IDE: variants seen among roughly 807,000 people sequenced by gnomAD.
IDE encodes the protein insulin degrading enzyme.
Under a neutral mutation model 133.2 loss-of-function variants are expected in IDE, and 58 were observed. The observed-to-expected ratio is 0.44, with a 90% CI of 0.35 to 0.54. IDE has a LOEUF of 0.54. Ranked by LOEUF, IDE falls within the 20% of genes least tolerant of loss-of-function variation. The pLI is 0.00. For missense variants in IDE, 981 were observed against 1,234.0 expected, an observed-to-expected ratio of 0.79 and a Z score of 3.07; for synonymous variants, 396 against 421.3, an observed-to-expected ratio of 0.94 and a Z score of 0.73.
chr10:92,524,230 G>A (rs1279286248), intron 4 of IDE, among the ~76,000 whole-genome samples: 1 of 139,924 alleles, frequency 7.1e-6, no homozygotes, highest in East Asian at 2.0e-4. Flanking sequence ...GCTTGAACCC[G>A]GGAAGTGGAG....
intron 4 of IDE, among the ~76,000 whole-genome samples, chr10:92,522,393 T>C (rs760524681): frequency 2.6e-5 from 4 of 152,310 alleles, no homozygotes; most frequent in East Asian, 1.9e-4. Flanking sequence ...ATGAAGAACA[T>C]AGGCTTTGAG....
chr10:92,552,268 A>T (rs1306902482), intron 1 of IDE, among the ~76,000 whole-genome samples: 1 of 152,198 alleles, frequency 6.6e-6, no homozygotes, highest in Non-Finnish European at 1.5e-5. Context: ...TTATGAAACT[A>T]TGTGTACACT....
intron 1 of IDE, among the ~76,000 whole-genome samples, chr10:92,556,492 C>T (rs1237614959): frequency 1.3e-5 from 2 of 151,812 alleles, no homozygotes; most frequent in African/African-American, 2.4e-5. Context: ...GGTGCAGTGG[C>T]TCACCCCTAT....
chr10:92,570,470 G>A (rs1261160443), intron 1 of IDE, among the ~76,000 whole-genome samples: 1 of 152,154 alleles, frequency 6.6e-6, no homozygotes, highest in Non-Finnish European at 1.5e-5. Context: ...CAAATGAGAA[G>A]GCTCCAGAAC....
At chr10:92,517,312 GTAACCT>G (rs1164321129) in intron 4 of IDE, among the ~76,000 whole-genome samples, 2 of 152,296 alleles carry the variant, frequency 1.3e-5, no homozygotes, top group African/African-American at 2.4e-5. Context: ...AGCCTAGCAA[GTAACCT>G]TAACCTTAAC....
At chr10:92,568,815 C>CAA (rs202095680) in intron 1 of IDE, among the ~76,000 whole-genome samples, 1 of 143,950 alleles carries the variant, frequency 6.9e-6, no homozygotes, top group African/African-American at 2.5e-5. Flanking sequence ...GACTCTTTCT[C>CAA]AAAAAAAAAA....
intron 4 of IDE, among the ~76,000 whole-genome samples, chr10:92,516,079 G>C (rs1403906969): frequency 6.6e-6 from 1 of 151,416 alleles, no homozygotes; most frequent in Admixed American, 6.6e-5. Flanking sequence ...TGAGGCAGGA[G>C]AATCACTTGA....
intron 22 of IDE, among the ~76,000 whole-genome samples, chr10:92,456,844 C>CAAAAAAA (rs57422406): frequency 1.4e-3 from 72 of 52,196 alleles, no homozygotes; most frequent in Admixed American, 4.0e-3. Flanking sequence ...GACTCTGTCT[C>CAAAAAAA]AAAAAAAAAA....
intron 11 of IDE, among the ~76,000 whole-genome samples, chr10:92,502,183 G>C (rs1589433419): frequency 1.3e-5 from 2 of 152,134 alleles, no homozygotes; most frequent in African/African-American, 4.8e-5. Context: ...AGCCTACCAG[G>C]ATTTTGGTTA....
At chr10:92,455,235 G>C (rs974903753) in intron 24 of IDE, among the ~76,000 whole-genome samples, 1 of 151,492 alleles carries the variant, frequency 6.6e-6, no homozygotes, top group Non-Finnish European at 1.5e-5. Context: ...CAGCACTCTG[G>C]GAGGCCGACG....
chr10:92,555,268 T>C (rs1028363360), intron 1 of IDE, among the ~76,000 whole-genome samples: 4 of 151,834 alleles, frequency 2.6e-5, no homozygotes, highest in Non-Finnish European at 4.4e-5. Context: ...GGAGCTGAGA[T>C]GGGGGGATCA....
chr10:92,489,974 T>C (rs1272103297), intron 12 of IDE, among the ~76,000 whole-genome samples: 2 of 152,220 alleles, frequency 1.3e-5, no homozygotes, highest in African/African-American at 4.8e-5. Context: ...AAATCCTGAC[T>C]ACTGATGAAT....
At chr10:92,557,815 G>C (rs1843082319) in intron 1 of IDE, among the ~76,000 whole-genome samples, 1 of 150,640 alleles carries the variant, frequency 6.6e-6, no homozygotes, top group African/African-American at 2.4e-5. Context: ...GTTTAAACCT[G>C]GGAGGCGGAG....
intron 4 of IDE, among the ~76,000 whole-genome samples, chr10:92,530,982 ATAT>A (rs1849891307): frequency 6.6e-6 from 1 of 152,304 alleles, no homozygotes; most frequent in East Asian, 1.9e-4. Context: ...ATTAAATAAT[ATAT>A]TATCATTATT....
At chr10:92,509,645 G>T (rs1564634248) in intron 6 of IDE, among the ~76,000 whole-genome samples, 1 of 152,036 alleles carries the variant, frequency 6.6e-6, no homozygotes, top group African/African-American at 2.4e-5. Flanking sequence ...TAGGGGCTGG[G>T]TGCAGTGGCT....
chr10:92,502,974 C>T (rs1564629005), intron 11 of IDE, among the ~76,000 whole-genome samples: 1 of 152,154 alleles, frequency 6.6e-6, no homozygotes, highest in Non-Finnish European at 1.5e-5. Context: ...ACATTGTAAC[C>T]TACTGGGTAC....
intron 1 of IDE, among the ~76,000 whole-genome samples, chr10:92,562,784 C>CT (rs1438006488): frequency 3.3e-5 from 5 of 152,222 alleles, no homozygotes; most frequent in African/African-American, 1.2e-4. Context: ...AATCAGGTGA[C>CT]TAATGTTTGT....
At chr10:92,522,281 T>C (rs1391441658) in intron 4 of IDE, among the ~76,000 whole-genome samples, 1 of 152,190 alleles carries the variant, frequency 6.6e-6, no homozygotes, top group Non-Finnish European at 1.5e-5. Context: ...GCATCCTTTG[T>C]TATACTCAAA....
chr10:92,553,831 CATA>C (rs1483074320), intron 1 of IDE, among the ~76,000 whole-genome samples: 1 of 152,020 alleles, frequency 6.6e-6, no homozygotes, highest in Non-Finnish European at 1.5e-5. Context: ...AGATTGAAGC[CATA>C]ATAAAAAGTC....
Sources: allele counts gnomAD v4.1 joint callset (sites outside exome capture counted in the v4.1 genomes callset), GRCh38; gene constraint gnomAD v4.1.1; transcripts MANE v1.5; gene names NCBI Gene and HGNC (gene_info 2026-07-23, HGNC 2026-07-21).